The following ZGRF1 variants were observed in gnomAD, a reference collection of about 807,000 sequenced individuals.
ZGRF1 encodes the protein zinc finger GRF-type containing 1.
In ZGRF1, 196 loss-of-function variants were observed where a neutral mutation model predicts 203.5. The observed-to-expected ratio is 0.96, with a 90% CI of 0.86 to 1.08. The LOEUF is 1.08. Among genes scored for constraint, ZGRF1 ranks in the 50% least tolerant of loss-of-function variants. The pLI is 0.00. For missense variants in ZGRF1, 2,326 were observed against 2,416.3 expected (o/e 0.96, Z 0.78); for synonymous variants, 809 against 841.3 (o/e 0.96, Z 0.66).
Position 112,618,072 on chromosome 4 carries a change from T to A in ZGRF1, c.1970A>T (p.Asp657Val), listed in dbSNP as rs774739064. 1.4e-5 allele frequency: 22 copies of A among 1,613,856 alleles called. No individual in the cohort carries two copies. The highest frequency in any genetic ancestry group is 1.8e-5 in the Non-Finnish European group (21 of 1,179,918). Residue 657 changes from aspartate to valine, a missense_variant, in exon 6 of 28, where the codon GAT (aspartate) becomes GTT (valine). Asp to Val is a radical substitution (Grantham distance 152, BLOSUM62 -3). Coordinates refer to ENST00000505019, the MANE Select transcript of ZGRF1 (RefSeq NM_018392.5). ...AGGTTTATTAGCATCTTCTTTATTA[T>A]CTCCGTATACAGCATCAGTCCACTT... ...SFKWTDAVYG[D>V]NKEDANKPIQ...
At chr4:112,586,610 T>C in intron 12 of ZGRF1, 27 bp from the exon 13 acceptor site, 1 of 1,550,410 alleles carries the variant, frequency 6.4e-7, no homozygotes, top group Non-Finnish European at 8.7e-7. Context: ...CAAGTTATCA[T>C]AGCAACTCCA....
At position 112,609,438 on chromosome 4, in the gene ZGRF1, T is replaced by A; in HGVS notation, c.2668-9A>T. On this transcript the variant is annotated splice_polypyrimidine_tract_variant and intron_variant, in intron 7 of 27. Coordinates refer to ENST00000505019, the MANE Select transcript of ZGRF1 (RefSeq NM_018392.5). Reference sequence around the variant, plus strand: ...TCATCTTCTTTTAGTATCTTAGGAATAGAATATTAATTTTAGATAAACTAA... The same window carrying A: ...TCATCTTCTTTTAGTATCTTAGGAAAAGAATATTAATTTTAGATAAACTAA... The A allele has an allele frequency of 6.9e-7, 1 of 1,459,510 alleles. No homozygotes were observed. The highest frequency in any genetic ancestry group is 9.5e-7 in the Non-Finnish European group (1 of 1,051,332). 90.4% of individuals were successfully genotyped at this position (1,459,510 alleles called of 1,614,324 possible).
intron 20 of ZGRF1, among the ~76,000 whole-genome samples, chr4:112,557,811 G>A (rs1055870090): frequency 3.3e-5 from 5 of 152,186 alleles, no homozygotes; most frequent in African/African-American, 1.2e-4. Flanking sequence ...GAATGGTCAG[G>A]GACTTGCATC....
chr4:112,605,727 C>A, intron 9 of ZGRF1: 1 of 343,556 alleles, frequency 2.9e-6, no homozygotes, highest in South Asian at 3.4e-5. Flanking sequence ...ATTAATTTTA[C>A]TCTACATGGC....
intron 6 of ZGRF1, among the ~76,000 whole-genome samples, chr4:112,613,236 G>A (rs938379703): frequency 1.3e-5 from 2 of 152,204 alleles, no homozygotes; most frequent in Non-Finnish European, 2.9e-5. Context: ...GGAGGTTGCA[G>A]TGAGCTAAGA....
At chr4:112,617,087 C>T (rs2046901839) in intron 6 of ZGRF1, among the ~76,000 whole-genome samples, 1 of 151,326 alleles carries the variant, frequency 6.6e-6, no homozygotes, top group African/African-American at 2.4e-5. Context: ...AGACTGTCTC[C>T]AAAATAAAAA....
intron 19 of ZGRF1, among the ~76,000 whole-genome samples, chr4:112,558,563 T>C (rs540600526): frequency 1.4e-4 from 22 of 152,272 alleles, no homozygotes; most frequent in Middle Eastern, 3.4e-3. Context: ...AGCCACCATA[T>C]TGGCAGGCTG....
chr4:112,561,103 G>A (rs1333751082), intron 18 of ZGRF1, 108 bp from the exon 19 acceptor site: 1 of 833,584 alleles, frequency 1.2e-6, no homozygotes, highest in Admixed American at 2.4e-5. Context: ...ACAGAGAACA[G>A]TTTTTTATGG....
chr4:112,576,279 C>T (rs754619090), intron 16 of ZGRF1, among the ~76,000 whole-genome samples: 7 of 151,974 alleles, frequency 4.6e-5, no homozygotes, highest in African/African-American at 9.7e-5. Context: ...CCCATCTGTA[C>T]GTCACCATCA....
At position 112,589,827 on chromosome 4, in the gene ZGRF1, G is replaced by A. The variant is rs1560817732; in HGVS notation, c.3024C>T (p.Thr1008=). The stretch of plus-strand genomic sequence containing the variant: ...CTTCATCTCTTGAGTTCAAAGAAAA[G>A]GTAGAAACAGGGCTCAATGTAGAGA... The part of the protein sequence containing the change: ...ENISTLSPVS[T]FSLNSRDEDF... Residue 1008 remains threonine, a synonymous_variant, in exon 11 of 28, where the codon ACC becomes ACT. Coordinates refer to ENST00000505019, the MANE Select transcript of ZGRF1 (RefSeq NM_018392.5). The A allele has an allele frequency of 1.2e-6, 2 of 1,613,144 alleles. No individual in the cohort carries two copies. Among genetic ancestry groups the A allele is most frequent in the Non-Finnish European group, 1.7e-6 (2 of 1,179,560 alleles).
At chr4:112,557,421 T>G (rs1297202336) in intron 20 of ZGRF1, among the ~76,000 whole-genome samples, 4 of 152,190 alleles carry the variant, frequency 2.6e-5, no homozygotes, top group African/African-American at 9.7e-5. Flanking sequence ...GTGATCTGCC[T>G]GCATTGGCCT....
intron 16 of ZGRF1, among the ~76,000 whole-genome samples, chr4:112,563,589 G>C (rs950499005): frequency 6.6e-6 from 1 of 152,202 alleles, no homozygotes; most frequent in Non-Finnish European, 1.5e-5. Flanking sequence ...ATGGGAAGAT[G>C]AGTTTGCTAC....
Position 112,617,694 on chromosome 4 carries a change from G to A in ZGRF1, c.2348C>T (p.Ser783Phe). ...AATCTTTCCCAAATCTTCAGGTTCA[G>A]ATATATGTGCTTCTGTGTCTTTGGA... is the stretch of plus-strand genomic sequence containing the variant. Reference protein sequence around the residue: ...LISKDTEAHISEPEDLGKIRS... With the variant: ...LISKDTEAHIFEPEDLGKIRS... The change falls in exon 6 of 28, where the codon TCT (serine) becomes TTT (phenylalanine). Residue 783 changes from serine to phenylalanine, a missense_variant. By Grantham distance (155) the Ser-to-Phe change is radical. Coordinates refer to ENST00000505019, the MANE Select transcript of ZGRF1 (RefSeq NM_018392.5). 2 of 1,614,070 alleles carry A rather than the reference G, an allele frequency of 1.2e-6. No individual in the cohort carries two copies. Among genetic ancestry groups the A allele is most frequent in the South Asian group, 2.2e-5 (2 of 91,070 alleles).
chr4:112,597,339 T>G (rs1186150628), intron 10 of ZGRF1, among the ~76,000 whole-genome samples: 1 of 147,002 alleles, frequency 6.8e-6, no homozygotes, highest in Non-Finnish European at 1.5e-5. Context: ...CCAGAAAACA[T>G]AGGAAGACCC....
At chr4:112,591,612 T>C (rs577770937) in intron 10 of ZGRF1, among the ~76,000 whole-genome samples, 270 of 152,276 alleles carry the variant, frequency 1.8e-3, no homozygotes, top group African/African-American at 6.4e-3. Flanking sequence ...ACTCACTCCA[T>C]GGCAGCCTCC....
chr4:112,557,739 G>A (rs993762312), intron 20 of ZGRF1, among the ~76,000 whole-genome samples: 1 of 152,140 alleles, frequency 6.6e-6, no homozygotes, highest in Non-Finnish European at 1.5e-5. Flanking sequence ...CCTGGAGGGA[G>A]ACATTACTTC....
chr4:112,561,978 C>T (rs1481714295), intron 18 of ZGRF1, among the ~76,000 whole-genome samples: 2 of 149,472 alleles, frequency 1.3e-5, no homozygotes, highest in African/African-American at 2.5e-5. Context: ...CAATGGCACC[C>T]GGCTCACCGC....
chr4:112,559,706 C>T (rs1044422594), intron 19 of ZGRF1, among the ~76,000 whole-genome samples: 1 of 152,154 alleles, frequency 6.6e-6, no homozygotes, highest in Non-Finnish European at 1.5e-5. Context: ...GAGGTGAATG[C>T]TATTATGATC....
intron 3 of ZGRF1, among the ~76,000 whole-genome samples, chr4:112,631,589 T>C (rs2047411627): frequency 6.6e-6 from 1 of 152,016 alleles, no homozygotes; most frequent in African/African-American, 2.4e-5. Flanking sequence ...GGAGAATCGT[T>C]TGAACCCGGG....
Sources: gnomAD v4.1 joint callset for allele counts (sites outside exome capture counted in the v4.1 genomes callset) on GRCh38, gnomAD v4.1.1 for gene constraint, MANE v1.5 for transcripts, NCBI Gene and HGNC (gene_info 2026-07-23, HGNC 2026-07-21) for gene names.